The following BCKDHB variants were observed in gnomAD, a reference collection of about 807,000 sequenced individuals.
BCKDHB encodes the protein branched chain keto acid dehydrogenase E1 subunit beta.
Under a neutral mutation model 48.5 loss-of-function variants are expected in BCKDHB, and 41 were observed. The observed-to-expected ratio is 0.85, with a 90% CI of 0.66 to 1.10. The LOEUF (loss-of-function observed/expected upper bound fraction) is 1.10. BCKDHB is among the 50% of genes least tolerant of loss of function. The probability of loss-of-function intolerance (pLI) is 0.00; values close to 1 mark genes in which losing one functional copy is unlikely to be tolerated. For missense variants in BCKDHB, 496 were observed against 494.2 expected (o/e 1.00, Z -0.03); for synonymous variants, 201 against 174.8 (o/e 1.15, Z -1.18).
At chr6:80,155,514 T>C (rs1310278520) in intron 3 of BCKDHB, among the ~76,000 whole-genome samples, 1 of 152,124 alleles carries the variant, frequency 6.6e-6, no homozygotes, top group Non-Finnish European at 1.5e-5. Flanking sequence ...ATTTCCTTAT[T>C]TGAAGACTAT....
chr6:80,442,997 A>T, the BCKDHB span, among the ~76,000 whole-genome samples: 1 of 152,172 alleles, frequency 6.6e-6, no homozygotes. Context: ...AGTGGATGAC[A>T]GAGATATCAG....
intron 1 of BCKDHB, among the ~76,000 whole-genome samples, chr6:80,109,218 G>A (rs149521653): frequency 1.7e-3 from 264 of 152,220 alleles, no homozygotes; most frequent in Middle Eastern, 0.014. Context: ...TATGTAAGGG[G>A]TTAATAATAA....
chr6:80,259,029 T>G (rs1177272614), intron 8 of BCKDHB, among the ~76,000 whole-genome samples: 1 of 152,226 alleles, frequency 6.6e-6, no homozygotes, highest in African/African-American at 2.4e-5. Flanking sequence ...GGTATCATAT[T>G]GTTGTTTCTA....
chr6:80,356,424 G>A, the BCKDHB span: 2 of 152,108 alleles, frequency 1.3e-5, no homozygotes, highest in African/African-American at 4.8e-5. Context: ...ATATGATCAG[G>A]TACAATGTAC....
chr6:80,135,061 G>C (rs981473061), intron 3 of BCKDHB, among the ~76,000 whole-genome samples: 5 of 152,002 alleles, frequency 3.3e-5, no homozygotes, highest in African/African-American at 9.7e-5. Flanking sequence ...TGCTTTTCCA[G>C]CATAAGTTTT....
At chr6:80,181,431 A>G (rs1773407934) in intron 6 of BCKDHB, among the ~76,000 whole-genome samples, 1 of 152,184 alleles carries the variant, frequency 6.6e-6, no homozygotes, top group South Asian at 2.1e-4. Flanking sequence ...CCACTCCTGA[A>G]ACTCAGTGGC....
At chr6:80,431,430 T>TC in the BCKDHB span, among the ~76,000 whole-genome samples, 843 of 152,314 alleles carry the variant, frequency 5.5e-3, 5 homozygotes, top group African/African-American at 0.02. Flanking sequence ...TGTTAAAGTC[T>TC]CCAACTATTA....
the BCKDHB span, among the ~76,000 whole-genome samples, chr6:80,386,018 A>G: frequency 8.5e-4 from 129 of 152,306 alleles, 1 homozygote; most frequent in African/African-American, 3.1e-3. Flanking sequence ...TGAGTGAGCT[A>G]GAAATGCCTG....
chr6:80,135,186 C>T (rs999094661), intron 3 of BCKDHB, among the ~76,000 whole-genome samples: 6 of 151,870 alleles, frequency 4.0e-5, no homozygotes, highest in East Asian at 1.9e-4. Context: ...TTGCAAAGAA[C>T]GGGTTATTTG....
intron 3 of BCKDHB, among the ~76,000 whole-genome samples, chr6:80,134,049 A>ATG (rs569978523): frequency 6.3e-4 from 95 of 151,590 alleles, no homozygotes; most frequent in Admixed American, 4.1e-3. Flanking sequence ...GAAAGAGTGT[A>ATG]TGTGTGTGTG....
chr6:80,135,193 T>C (rs1770825345), intron 3 of BCKDHB, among the ~76,000 whole-genome samples: 1 of 152,144 alleles, frequency 6.6e-6, no homozygotes, highest in Non-Finnish European at 1.5e-5. Context: ...GAACGGGTTA[T>C]TTGGGTGATA....
chr6:80,463,786 C>T, the BCKDHB span, among the ~76,000 whole-genome samples: 144 of 152,206 alleles, frequency 9.5e-4, no homozygotes, highest in Non-Finnish European at 1.8e-3. Flanking sequence ...TTCCTGGCCT[C>T]GTCACACTAC....
At chr6:80,342,557 A>G (rs9443747) in intron 9 of BCKDHB, among the ~76,000 whole-genome samples, 2,277 of 45,370 alleles carry the variant, frequency 0.05, 112 homozygotes, top group African/African-American at 0.13. Context: ...CTCATTTCTG[A>G]AAAAAAAAAA....
the BCKDHB span, among the ~76,000 whole-genome samples, chr6:80,422,752 C>A: frequency 6.6e-6 from 1 of 152,140 alleles, no homozygotes; most frequent in Non-Finnish European, 1.5e-5. Context: ...TTTGTTTTGG[C>A]CAATTTCTCC....
the BCKDHB span, among the ~76,000 whole-genome samples, chr6:80,428,499 G>C: frequency 6.6e-6 from 1 of 152,178 alleles, no homozygotes; most frequent in Admixed American, 6.5e-5. Flanking sequence ...CAGTGTGAAA[G>C]TGTTCCTATT....
intron 8 of BCKDHB, among the ~76,000 whole-genome samples, chr6:80,272,586 A>G (rs937310982): frequency 4.6e-5 from 7 of 152,208 alleles, no homozygotes; most frequent in African/African-American, 1.7e-4. Flanking sequence ...CCCTTAAAAT[A>G]GAGTGTGGTC....
chr6:80,421,396 A>G, the BCKDHB span, among the ~76,000 whole-genome samples: 1 of 152,366 alleles, frequency 6.6e-6, no homozygotes, highest in South Asian at 2.1e-4. Context: ...AGACTAATAC[A>G]GAGAATTAGC....
the BCKDHB span, among the ~76,000 whole-genome samples, chr6:80,381,273 A>C: frequency 5.3e-5 from 8 of 152,126 alleles, 2 homozygotes; most frequent in South Asian, 1.5e-3. Context: ...ACCTCTGAGA[A>C]TAGAACTGCC....
chr6:80,271,178 T>G (rs990136852), intron 8 of BCKDHB, among the ~76,000 whole-genome samples: 1 of 152,300 alleles, frequency 6.6e-6, no homozygotes, highest in South Asian at 2.1e-4. Flanking sequence ...CTGTGGTGGT[T>G]GTTTTTTACA....
Sources: gnomAD v4.1 joint callset for allele counts (sites outside exome capture counted in the v4.1 genomes callset) on GRCh38, gnomAD v4.1.1 for gene constraint, MANE v1.5 for transcripts, NCBI Gene and HGNC (gene_info 2026-07-23, HGNC 2026-07-21) for gene names.